VPS13B: variants seen among roughly 807,000 people sequenced by gnomAD.
VPS13B encodes the protein vacuolar protein sorting 13 homolog B.
A neutral mutation model predicts 426.4 loss-of-function variants in VPS13B; 285 were observed. That is an observed-to-expected ratio of 0.67 (90% CI 0.61 to 0.74). The LOEUF (loss-of-function observed/expected upper bound fraction) is 0.74, where lower values mean the gene tolerates loss of function less well. Among genes scored for constraint, VPS13B ranks in the 30% least tolerant of loss-of-function variants. The pLI is 0.00. For synonymous variants in VPS13B, 1,676 were observed against 1,676.4 expected, an observed-to-expected ratio of 1.00 and a Z score of 0.01; for missense variants, 4,537 against 4,782.6, an observed-to-expected ratio of 0.95 and a Z score of 1.51.
chr8:99,556,378 C>T (rs1824566174), intron 30 of VPS13B, 72 bp from the exon 31 acceptor site: 2 of 1,494,406 alleles, frequency 1.3e-6, no homozygotes, highest in African/African-American at 1.4e-5. Flanking sequence ...TGTTAGTGAA[C>T]AAAATAAACA....
chr8:99,382,362 G>A (rs1813860744), intron 19 of VPS13B, among the ~76,000 whole-genome samples: 1 of 152,106 alleles, frequency 6.6e-6, no homozygotes, highest in African/African-American at 2.4e-5. Flanking sequence ...GTTCTGTGAA[G>A]AGTGTCATTG....
intron 19 of VPS13B, among the ~76,000 whole-genome samples, chr8:99,316,288 C>T (rs192443356): frequency 2.0e-5 from 3 of 152,268 alleles, no homozygotes; most frequent in African/African-American, 7.2e-5. Context: ...GGCAACCAGC[C>T]TTAGTGGCAG....
At chr8:99,795,240 A>G (rs1812746692) in intron 43 of VPS13B, among the ~76,000 whole-genome samples, 1 of 152,154 alleles carries the variant, frequency 6.6e-6, no homozygotes, top group South Asian at 2.1e-4. Flanking sequence ...TCTACTTTCC[A>G]TGTTACTGCA....
At chr8:99,254,924 C>T (rs1217582724) in intron 17 of VPS13B, among the ~76,000 whole-genome samples, 2 of 152,092 alleles carry the variant, frequency 1.3e-5, no homozygotes, top group East Asian at 1.9e-4. Flanking sequence ...ATTACAGAGC[C>T]ACTCTTTTTT....
chr8:99,455,660 A>C (rs1457475243), intron 23 of VPS13B, among the ~76,000 whole-genome samples: 1 of 152,102 alleles, frequency 6.6e-6, no homozygotes, highest in Non-Finnish European at 1.5e-5. Flanking sequence ...GGCAACCCTG[A>C]TCTGCTTTCT....
chr8:99,028,552 G>T lies in VPS13B; in HGVS notation c.148-9871G>T, dbSNP rs868297713. On this transcript the variant is annotated intron_variant, in intron 2 of 61. Coordinates refer to ENST00000357162, the MANE Select transcript of VPS13B (RefSeq NM_152564.5). The stretch of plus-strand genomic sequence containing the variant: ...CCCCCCCACCTCCCTCCCGGACGGG[G>T]CGGCTGGCCGGGCAGGGGGCTGACC... Among the ~76,000 whole-genome samples, 106 of 112,622 alleles carry T rather than the reference G, an allele frequency of 9.4e-4. 7 individuals carry two copies. The highest frequency in any genetic ancestry group is 3.3e-3 in the African/African-American group (97 of 29,560). The allele number at this position is 112,622 out of a possible 152,430, so 73.9% of individuals were successfully genotyped here. A position where few individuals can be genotyped will look rare whatever the true frequency, so the allele number is the denominator to read the frequency against.
intron 21 of VPS13B, among the ~76,000 whole-genome samples, chr8:99,401,541 G>A (rs939069018): frequency 1.3e-5 from 2 of 152,114 alleles, no homozygotes; most frequent in African/African-American, 2.4e-5. Flanking sequence ...ACATGAGGAA[G>A]GACTCCAATG....
intron 3 of VPS13B, among the ~76,000 whole-genome samples, chr8:99,095,912 T>G (rs994143776): frequency 2.6e-5 from 4 of 152,114 alleles, no homozygotes; most frequent in African/African-American, 9.7e-5. Context: ...GAAAATAGTG[T>G]TTTAACATAT....
intron 4 of VPS13B, among the ~76,000 whole-genome samples, chr8:99,098,145 G>A (rs1020893285): frequency 6.6e-6 from 1 of 152,050 alleles, no homozygotes; most frequent in Admixed American, 6.6e-5. Context: ...TGTTCACTCT[G>A]TTTTTTGTTC....
At chr8:99,810,639 C>T (rs950972698) in intron 44 of VPS13B, among the ~76,000 whole-genome samples, 3 of 152,172 alleles carry the variant, frequency 2.0e-5, no homozygotes, top group Non-Finnish European at 4.4e-5. Context: ...GAGCATTCCT[C>T]AGAATATTTA....
At chr8:99,335,494 A>C (rs921170774) in intron 19 of VPS13B, among the ~76,000 whole-genome samples, 2 of 152,058 alleles carry the variant, frequency 1.3e-5, no homozygotes, top group African/African-American at 4.8e-5. Context: ...GTGGGCATTT[A>C]GTGCTATAAA....
At chr8:99,639,537 T>C (rs1829215381) in intron 33 of VPS13B, among the ~76,000 whole-genome samples, 1 of 152,018 alleles carries the variant, frequency 6.6e-6, no homozygotes, top group East Asian at 1.9e-4. Flanking sequence ...TCTCAACAAC[T>C]ATAAAAACCA....
At chr8:99,655,752 AG>A (rs1453006474) in intron 34 of VPS13B, among the ~76,000 whole-genome samples, 1 of 152,250 alleles carries the variant, frequency 6.6e-6, no homozygotes, top group Non-Finnish European at 1.5e-5. Flanking sequence ...AAGAAGAAGA[AG>A]AAAAGAAGTG....
intron 19 of VPS13B, among the ~76,000 whole-genome samples, chr8:99,335,849 T>A (rs1810824661): frequency 6.6e-6 from 1 of 152,026 alleles, no homozygotes; most frequent in Non-Finnish European, 1.5e-5. Flanking sequence ...AAACCACTGC[T>A]CAATGAAATA....
intron 44 of VPS13B, among the ~76,000 whole-genome samples, chr8:99,813,135 C>T (rs193283264): frequency 6.6e-6 from 1 of 152,208 alleles, no homozygotes; most frequent in Non-Finnish European, 1.5e-5. Context: ...GCCGTGCAAG[C>T]ACACTACTCC....
At chr8:99,652,394 T>C (rs1563845295) in intron 34 of VPS13B, among the ~76,000 whole-genome samples, 1 of 152,186 alleles carries the variant, frequency 6.6e-6, no homozygotes, top group Non-Finnish European at 1.5e-5. Context: ...GGCACAAGGC[T>C]CAATGACTAT....
chr8:99,492,137 T>C (rs1291034902), intron 25 of VPS13B, among the ~76,000 whole-genome samples: 3 of 152,176 alleles, frequency 2.0e-5, no homozygotes, highest in African/African-American at 7.2e-5. Flanking sequence ...TGCAGGTCTG[T>C]TGGAATTTAC....
chr8:99,768,978 C>G (rs1200859203), intron 40 of VPS13B, among the ~76,000 whole-genome samples: 1 of 152,124 alleles, frequency 6.6e-6, no homozygotes, highest in African/African-American at 2.4e-5. Flanking sequence ...AATACATTTT[C>G]ACCATCGAAA....
chr8:99,527,798 C>T (rs1822725788), intron 30 of VPS13B: 1 of 151,950 alleles, frequency 6.6e-6, no homozygotes, highest in Non-Finnish European at 1.5e-5. Context: ...ATGTTTATAG[C>T]TTAAGCATAT....
Sources: allele counts gnomAD v4.1 joint callset (sites outside exome capture counted in the v4.1 genomes callset), GRCh38; gene constraint gnomAD v4.1.1; transcripts MANE v1.5; gene names NCBI Gene and HGNC (gene_info 2026-07-23, HGNC 2026-07-21).